Variants in MYO18B observed in about 807,000 individuals in gnomAD.
MYO18B encodes myosin XVIIIB, also known as unconventional myosin-XVIIIb.
Under a neutral mutation model 273.0 loss-of-function variants are expected in MYO18B, and 204 were observed. That is an observed-to-expected ratio of 0.75 (90% CI 0.67 to 0.84). MYO18B has a LOEUF of 0.84. Among genes scored for constraint, MYO18B ranks in the 40% least tolerant of loss-of-function variants. The probability of loss-of-function intolerance (pLI) is 0.00; values close to 1 mark genes in which losing one functional copy is unlikely to be tolerated. For missense variants in MYO18B, 3,212 were observed against 3,287.6 expected, an observed-to-expected ratio of 0.98 and a Z score of 0.56; for synonymous variants, 1,330 against 1,305.7, an observed-to-expected ratio of 1.02 and a Z score of -0.40.
chr22:26,058,538 T>G, the MYO18B span, among the ~76,000 whole-genome samples: 1 of 152,166 alleles, frequency 6.6e-6, no homozygotes, highest in Non-Finnish European at 1.5e-5. Flanking sequence ...AATTTCATGT[T>G]GAGTTTGATC....
chr22:25,878,091 T>G (rs377363867), intron 25 of MYO18B, 43 bp downstream of exon 25: 2 of 1,450,910 alleles, frequency 1.4e-6, no homozygotes, highest in East Asian at 2.5e-5. Context: ...GGGGTCTTTA[T>G]GTATGTGAGA....
At chr22:25,868,781 T>C (rs1444366249) in intron 22 of MYO18B, among the ~76,000 whole-genome samples, 1 of 152,160 alleles carries the variant, frequency 6.6e-6, no homozygotes, top group Non-Finnish European at 1.5e-5. Flanking sequence ...TAGTCATAGC[T>C]GATGAGCAGC....
chr22:25,934,244 T>C (rs2092548150), intron 34 of MYO18B, among the ~76,000 whole-genome samples: 2 of 152,226 alleles, frequency 1.3e-5, no homozygotes, highest in Admixed American at 1.3e-4. Flanking sequence ...TCTCTCACTT[T>C]AGGGTTGACC....
intron 14 of MYO18B, among the ~76,000 whole-genome samples, chr22:25,828,299 C>CT (rs1249187835): frequency 6.6e-6 from 1 of 152,170 alleles, no homozygotes; most frequent in Admixed American, 6.5e-5. Flanking sequence ...TCCAAAATCT[C>CT]TTAAGTCCTA....
chr22:26,029,752 C>A (rs1315521890), intron 43 of MYO18B, among the ~76,000 whole-genome samples: 1 of 152,132 alleles, frequency 6.6e-6, no homozygotes, highest in Non-Finnish European at 1.5e-5. Context: ...TGTAACTAGC[C>A]ATTGGACCCT....
intron 14 of MYO18B, among the ~76,000 whole-genome samples, chr22:25,826,821 A>G (rs960537689): frequency 2.0e-5 from 3 of 152,180 alleles, no homozygotes; most frequent in African/African-American, 4.8e-5. Context: ...GTACTTTGGG[A>G]GGCTGAAGTA....
intron 7 of MYO18B, among the ~76,000 whole-genome samples, chr22:25,774,313 C>T (rs148221243): frequency 4.9e-4 from 74 of 152,300 alleles, no homozygotes; most frequent in Non-Finnish European, 8.7e-4. Context: ...GAGCTTGGCA[C>T]GTGCCCTCTC....
chr22:26,026,717 C>T lies in MYO18B; in HGVS notation c.6743C>T (p.Ala2248Val), dbSNP rs370698369. ...AGGGAAAAGCTGCCCAGTCCTTCAG[C>T]GGCCCTCTCGGAGTTCGTGGAAGGG... ...LSREKLPSPS[A>V]ALSEFVEGLR... The change falls in exon 43 of 44, where the codon GCG (alanine) becomes GTG (valine). Residue 2248 changes from alanine to valine, a missense_variant. Transcript: ENST00000335473. 8.9e-5 allele frequency: 144 copies of T among 1,613,600 alleles called. No homozygotes were observed. In the East Asian group the frequency reaches 1.6e-3, roughly 18 times the overall value.
chr22:25,807,347 G>A (rs2088524922), intron 12 of MYO18B, among the ~76,000 whole-genome samples: 1 of 152,224 alleles, frequency 6.6e-6, no homozygotes, highest in Admixed American at 6.5e-5. Flanking sequence ...AAGAATTCCA[G>A]CACTGGCTGG....
At chr22:25,963,174 TCTCTCA>T (rs1413003556) in intron 39 of MYO18B, among the ~76,000 whole-genome samples, 3 of 147,992 alleles carry the variant, frequency 2.0e-5, no homozygotes, top group Non-Finnish European at 4.4e-5. Flanking sequence ...TCTCTCTCTC[TCTCTCA>T]CACACACACA....
At chr22:26,019,961 T>C (rs1036764302) in intron 42 of MYO18B, among the ~76,000 whole-genome samples, 3 of 152,176 alleles carry the variant, frequency 2.0e-5, no homozygotes, top group East Asian at 1.9e-4. Flanking sequence ...AAAATATGTA[T>C]GTGTAGATGT....
Position 25,907,992 on chromosome 22 carries a change from C to T in MYO18B, c.5149-330C>T, listed in dbSNP as rs190866869. Among the ~76,000 whole-genome samples, 12 of 146,792 alleles carry T rather than the reference C, an allele frequency of 8.2e-5. No individual in the cohort carries two copies. In the East Asian group the frequency reaches 2.0e-3, roughly 25 times the overall value. ...AGGTTGTGGTGAGCCGAGATTGCGC[C>T]GTGGCACTCCAGCCTAGGCAACAAG... On this transcript the variant is annotated intron_variant, in intron 31 of 43. Coordinates refer to ENST00000335473, the MANE Select transcript of MYO18B (RefSeq NM_032608.7).
Position 25,958,158 on chromosome 22 carries a change from A to G in MYO18B, c.6156+2794A>G, listed in dbSNP as rs536545053. On this transcript the variant is annotated intron_variant, in intron 39 of 43. Transcript: ENST00000335473. ...TCGAACCCCTGACCTCAGGTGATCC[A>G]CCCACCTTGGCCTCCCGAAGTGTTG... is the stretch of plus-strand genomic sequence containing the variant. Among the ~76,000 whole-genome samples, 3 of 152,014 alleles carry G rather than the reference A, an allele frequency of 2.0e-5. No homozygotes were observed. In the East Asian group the frequency reaches 5.8e-4, roughly 29 times the overall value.
chr22:25,935,123 A>T (rs996351934), intron 34 of MYO18B, among the ~76,000 whole-genome samples: 1 of 152,244 alleles, frequency 6.6e-6, no homozygotes, highest in Non-Finnish European at 1.5e-5. Context: ...GAGTCCAATT[A>T]ACAAGAACCA....
At chr22:25,939,917 G>A (rs1470155165) in intron 34 of MYO18B, among the ~76,000 whole-genome samples, 1 of 152,192 alleles carries the variant, frequency 6.6e-6, no homozygotes, top group African/African-American at 2.4e-5. Context: ...AACAGGAATG[G>A]TTGTTGACCC....
chr22:25,851,137 C>A (rs1271759377), intron 20 of MYO18B, among the ~76,000 whole-genome samples: 2 of 152,182 alleles, frequency 1.3e-5, no homozygotes, highest in African/African-American at 4.8e-5. Flanking sequence ...TCAGGCATCT[C>A]CCCTGCATGA....
chr22:25,890,915 G>C, intron 26 of MYO18B, 40 bp downstream of exon 26: 1 of 1,601,424 alleles, frequency 6.2e-7, no homozygotes, highest in Non-Finnish European at 8.5e-7. Flanking sequence ...TGAACACGGT[G>C]GCTAAAAATG....
chr22:26,004,790 G>A lies in MYO18B; in HGVS notation c.6405G>A (p.Leu2135=). The A allele has an allele frequency of 6.2e-7, 1 of 1,613,896 alleles. No homozygotes were observed. The highest frequency in any genetic ancestry group is 1.1e-5 in the South Asian group (1 of 91,056). The part of the protein sequence containing the change: ...LQSWLSCTLS[L]ATDTMRTPSR... Reference sequence around the variant, plus strand: ...CCTGGTTGAGCTGTACTCTGTCCCTGGCCACAGATACTATGAGGACTCCTT... The same window carrying A: ...CCTGGTTGAGCTGTACTCTGTCCCTAGCCACAGATACTATGAGGACTCCTT... Residue 2135 remains leucine (L), a synonymous_variant, in exon 42 of 44, where the codon CTG becomes CTA. Coordinates refer to ENST00000335473, the MANE Select transcript of MYO18B (RefSeq NM_032608.7).
chr22:25,992,606 T>C (rs1330837406), intron 40 of MYO18B, 113 bp downstream of exon 40: 3 of 1,426,154 alleles, frequency 2.1e-6, no homozygotes, highest in Non-Finnish European at 2.9e-6. Context: ...CCAAAGATGT[T>C]CGGGGGCTGG....
Sources: allele counts gnomAD v4.1 joint callset (sites outside exome capture counted in the v4.1 genomes callset), GRCh38; gene constraint gnomAD v4.1.1; transcripts MANE v1.5; gene names NCBI Gene and HGNC (gene_info 2026-07-23, HGNC 2026-07-21).